PRKCB: variants seen among roughly 807,000 people sequenced by gnomAD.
PRKCB encodes protein kinase C beta.
PRKCB carries 13 observed loss-of-function variants against 81.5 expected under a neutral mutation model. That is an observed-to-expected ratio of 0.16 (90% CI 0.10 to 0.25). PRKCB has a LOEUF of 0.25. Ranked by LOEUF, PRKCB falls within the 10% of genes least tolerant of loss-of-function variation. The pLI, the probability that PRKCB is intolerant of heterozygous loss-of-function variation, is 1.00. For synonymous variants in PRKCB, 335 were observed against 321.4 expected, an observed-to-expected ratio of 1.04 and a Z score of -0.45; for missense variants, 509 against 875.7, an observed-to-expected ratio of 0.58 and a Z score of 5.29.
intron 16 of PRKCB, among the ~76,000 whole-genome samples, chr16:24,210,191 C>T (rs1352743127): frequency 2.6e-5 from 4 of 152,132 alleles, no homozygotes; most frequent in African/African-American, 9.7e-5. Context: ...AGCAGTTTCT[C>T]ATCTAGCTGA....
intron 16 of PRKCB, chr16:24,208,474 C>T (rs767715010): frequency 2.0e-5 from 3 of 152,210 alleles, no homozygotes; most frequent in African/African-American, 7.2e-5. Flanking sequence ...GAGCGTAATT[C>T]AACAAATCAA....
Position 24,217,859 on chromosome 16 carries a change from C to T in PRKCB, c.*3043C>T. The T allele has an allele frequency of 3.0e-6, 3 of 985,402 alleles. No homozygotes were observed. The highest frequency in any genetic ancestry group is 3.6e-6 in the Non-Finnish European group (3 of 829,940). 61.0% of individuals were successfully genotyped at this position (985,402 alleles called of 1,614,324 possible). On this transcript the variant is annotated 3_prime_UTR_variant, in exon 17 of 17. Transcript: ENST00000643927. ...TGGAGTTCTCAGACCTTTAGGGGCC[C>T]TAACACAGTTCAGTTCATACAGGGG...
intron 2 of PRKCB, among the ~76,000 whole-genome samples, chr16:23,928,416 C>T (rs1963925936): frequency 1.3e-5 from 2 of 152,146 alleles, no homozygotes; most frequent in African/African-American, 4.8e-5. Context: ...GCATGAGCCA[C>T]CGCGCCCGGC....
At chr16:23,896,669 T>A (rs1963383566) in intron 2 of PRKCB, among the ~76,000 whole-genome samples, 1 of 152,126 alleles carries the variant, frequency 6.6e-6, no homozygotes, top group African/African-American at 2.4e-5. Flanking sequence ...AGAAAGGCAT[T>A]CCAGGCAGAA....
intron 2 of PRKCB, among the ~76,000 whole-genome samples, chr16:23,874,548 G>C (rs180712694): frequency 6.8e-6 from 1 of 146,772 alleles, no homozygotes; most frequent in Non-Finnish European, 1.5e-5. Flanking sequence ...CACAGGCCTA[G>C]CATCACCAGA....
intron 3 of PRKCB, among the ~76,000 whole-genome samples, chr16:24,009,169 C>A (rs978977799): frequency 6.6e-6 from 1 of 152,154 alleles, no homozygotes; most frequent in Non-Finnish European, 1.5e-5. Context: ...GAACTGCTAA[C>A]ATTTCTTCAG....
chr16:24,109,147 C>T (rs1966630984), intron 7 of PRKCB, among the ~76,000 whole-genome samples: 11 of 137,576 alleles, frequency 8.0e-5, no homozygotes, highest in African/African-American at 1.7e-4. Context: ...GGCGGCTGGC[C>T]GGGCGGGGGG....
At chr16:23,988,642 G>A (rs765310272) in intron 3 of PRKCB, 52 bp downstream of exon 3, 29 of 1,476,640 alleles carry the variant, frequency 2.0e-5, no homozygotes, top group Non-Finnish European at 2.7e-5. Context: ...ATGCTGCCTT[G>A]TGATTAAATG....
At chr16:23,853,324 C>G (rs1962505008) in intron 2 of PRKCB, among the ~76,000 whole-genome samples, 1 of 152,170 alleles carries the variant, frequency 6.6e-6, no homozygotes, top group South Asian at 2.1e-4. Context: ...TCCACAGAGT[C>G]ACACAGGACC....
At chr16:23,999,724 A>G (rs912932255) in intron 3 of PRKCB, among the ~76,000 whole-genome samples, 2 of 152,220 alleles carry the variant, frequency 1.3e-5, no homozygotes, top group East Asian at 1.9e-4. Context: ...CACTCAGAAT[A>G]CTGACCACAT....
chr16:24,077,974 GAGC>G (rs1250625719), intron 5 of PRKCB, among the ~76,000 whole-genome samples: 5 of 152,198 alleles, frequency 3.3e-5, no homozygotes, highest in African/African-American at 4.8e-5. Flanking sequence ...GCCTTCCTCA[GAGC>G]TGGGAAGGCT....
intron 5 of PRKCB, among the ~76,000 whole-genome samples, chr16:24,077,095 GACCCTGTTCCAGTACTGAGCACAGC>G (rs1349675586): frequency 2.0e-5 from 3 of 151,984 alleles, no homozygotes; most frequent in African/African-American, 7.3e-5. Flanking sequence ...GGGCCTCTAG[GACCCTGTTCCAGTACTGAGCACAGC>G]ATCAGTACTG....
rs749661878 is a variant in PRKCB, at chr16:24,094,157, A to G, written c.687-6A>G. The G allele has an allele frequency of 6.2e-7, 1 of 1,613,198 alleles. No individual in the cohort carries two copies. Among genetic ancestry groups the G allele is most frequent in the South Asian group, 1.1e-5 (1 of 90,992 alleles). ...CCACTGATGTCTTTTCTTTTTCTCT[A>G]TGCAGTCAGCTGAAAGAATCGGACA... is the stretch of plus-strand genomic sequence containing the variant. On this transcript the variant is annotated splice_polypyrimidine_tract_variant and splice_region_variant and intron_variant, in intron 6 of 16. Coordinates refer to ENST00000643927, the MANE Select transcript of PRKCB (RefSeq NM_002738.7).
intron 7 of PRKCB, among the ~76,000 whole-genome samples, chr16:24,108,339 T>TA (rs1342444070): frequency 9.3e-4 from 138 of 148,094 alleles, no homozygotes; most frequent in African/African-American, 3.4e-3. Flanking sequence ...TTTTATTTTT[T>TA]TTTAAATTTA....
intron 3 of PRKCB, among the ~76,000 whole-genome samples, chr16:23,998,579 T>A (rs576291903): frequency 6.6e-6 from 1 of 152,230 alleles, no homozygotes; most frequent in South Asian, 2.1e-4. Flanking sequence ...AATCCATTTA[T>A]GCCTTAGATT....
chr16:23,970,456 G>T (rs1238250095), intron 2 of PRKCB, among the ~76,000 whole-genome samples: 1 of 152,210 alleles, frequency 6.6e-6, no homozygotes, highest in African/African-American at 2.4e-5. Context: ...GTGTGCTGAT[G>T]TGCAGGCAGA....
At chr16:23,881,281 C>A (rs1306947658) in intron 2 of PRKCB, among the ~76,000 whole-genome samples, 2 of 138,812 alleles carry the variant, frequency 1.4e-5, no homozygotes. Context: ...GAGACAGAGT[C>A]TCGCTCTGTT....
chr16:24,192,765 A>T (rs1967813349), intron 16 of PRKCB, among the ~76,000 whole-genome samples: 2 of 152,108 alleles, frequency 1.3e-5, no homozygotes, highest in Admixed American at 1.3e-4. Context: ...TTAGGAATGA[A>T]GTTCTTGGTC....
chr16:24,184,424 C>T (rs1267391370), intron 13 of PRKCB, among the ~76,000 whole-genome samples: 1 of 150,656 alleles, frequency 6.6e-6, no homozygotes, highest in Non-Finnish European at 1.5e-5. Flanking sequence ...CACTGCACTC[C>T]AGCCTGGGTG....
Sources: gnomAD v4.1 joint callset for allele counts (sites outside exome capture counted in the v4.1 genomes callset) on GRCh38, gnomAD v4.1.1 for gene constraint, MANE v1.5 for transcripts, NCBI Gene and HGNC (gene_info 2026-07-23, HGNC 2026-07-21) for gene names.